The following PTPRB variants were observed in gnomAD, a reference collection of about 807,000 sequenced individuals.
PTPRB encodes the protein receptor-type tyrosine-protein phosphatase beta.
A neutral mutation model predicts 238.1 loss-of-function variants in PTPRB; 97 were observed. That is an observed-to-expected ratio of 0.41 (90% confidence interval 0.35 to 0.48). PTPRB has a LOEUF of 0.48. PTPRB is among the 20% of genes least tolerant of loss of function. The pLI, the probability that PTPRB is intolerant of heterozygous loss-of-function variation, is 0.30. For missense variants in PTPRB, 2,292 were observed against 2,681.9 expected (o/e 0.85, Z 3.21); for synonymous variants, 970 against 995.4 (o/e 0.97, Z 0.48).
intron 11 of PTPRB, 46 bp downstream of exon 11, chr12:70,576,336 A>C: frequency 6.3e-7 from 1 of 1,587,366 alleles, no homozygotes; most frequent in Non-Finnish European, 8.6e-7. Context: ...CCTGAGCCAC[A>C]TGTGAATTGG....
At position 70,560,986 on chromosome 12, in the gene PTPRB, T is replaced by G; in HGVS notation, c.4169-52A>C. ...AGAACAAAACAGAAACACAGGCATT[T>G]TGGCCCACAGGTGAGAGTATATGCT... On this transcript the variant is annotated intron_variant, in intron 16 of 33. Coordinates refer to ENST00000334414, the MANE Select transcript of PTPRB (RefSeq NM_001109754.4). This position sits in a 1 kb window ranked among gnomAD's most constrained non-coding sequence, Gnocchi z 4.2. 2 of 1,554,698 alleles carry G rather than the reference T, an allele frequency of 1.3e-6. No homozygotes were observed. The highest frequency in any genetic ancestry group is 1.8e-6 in the Non-Finnish European group (2 of 1,130,156).
chr12:70,609,454 C>T, intron 3 of PTPRB, 115 bp from the exon 4 acceptor site: 1 of 1,358,276 alleles, frequency 7.4e-7, no homozygotes. Context: ...TGTCCCTTGC[C>T]TCAGCCAGTC....
chr12:70,622,838 TTATC>T (rs1885005713), intron 2 of PTPRB, among the ~76,000 whole-genome samples, 192 bp from the exon 3 acceptor site: 1 of 152,020 alleles, frequency 6.6e-6, no homozygotes, highest in South Asian at 2.1e-4. Flanking sequence ...CACCCATCCT[TTATC>T]TATCTATCAA....
chr12:70,546,341 C>T (rs2136277948), intron 21 of PTPRB, among the ~76,000 whole-genome samples: 1 of 152,254 alleles, frequency 6.6e-6, no homozygotes, highest in South Asian at 2.1e-4. Flanking sequence ...GTCCTAAATT[C>T]AATAAACAAG....
In PTPRB at chr12:70,568,456, C is replaced by G. The variant is rs141101884; in HGVS notation, c.3634+1219G>C. Among the ~76,000 whole-genome samples, 55 of 152,112 alleles carry G rather than the reference C, an allele frequency of 3.6e-4. No homozygotes were observed. The East Asian group carries it at 0.01, about 29-fold the overall frequency. On this transcript the variant is annotated intron_variant, in intron 14 of 33. Coordinates refer to ENST00000334414, the MANE Select transcript of PTPRB (RefSeq NM_001109754.4). ...GGGACTACAGGCGTCTGCCATCACA[C>G]CCAGCTAATTTTTTGTATTTTTAGT...
At chr12:70,626,709 T>G (rs1232685688) in intron 2 of PTPRB, among the ~76,000 whole-genome samples, 3 of 152,038 alleles carry the variant, frequency 2.0e-5, no homozygotes, top group Non-Finnish European at 4.4e-5. Context: ...ATCCTTGGAT[T>G]TTGATGTCTG....
At chr12:70,577,859 G>A (rs1274040590) in intron 10 of PTPRB, among the ~76,000 whole-genome samples, 1 of 152,134 alleles carries the variant, frequency 6.6e-6, no homozygotes, top group Non-Finnish European at 1.5e-5. Flanking sequence ...TTAGCCAGAA[G>A]ATTTATATAT....
chr12:70,625,817 T>A (rs1254415620), intron 2 of PTPRB, among the ~76,000 whole-genome samples: 1 of 152,168 alleles, frequency 6.6e-6, no homozygotes, highest in Non-Finnish European at 1.5e-5. Flanking sequence ...ATAACACAAT[T>A]TCTCCCAGAA....
At chr12:70,561,606 G>T (rs1040015204) in intron 16 of PTPRB, among the ~76,000 whole-genome samples, 1 of 152,118 alleles carries the variant, frequency 6.6e-6, no homozygotes, top group Non-Finnish European at 1.5e-5. Flanking sequence ...TTCTATTTGT[G>T]GTTGAAGCTT....
chr12:70,564,157 T>G lies in PTPRB; in HGVS notation c.3905-1050A>C, dbSNP rs192959495. 1.3e-3 allele frequency among the ~76,000 whole-genome samples: 198 copies of G among 152,278 alleles called. 2 individuals are homozygous for G. The Middle Eastern group carries it at 0.02, about 16-fold the overall frequency. On this transcript the variant is annotated intron_variant, in intron 15 of 33. Transcript: ENST00000334414. The stretch of plus-strand genomic sequence containing the variant: ...ATATTTGCATGACTTTCTCATTTCT[T>G]TCAGATTTTTACTCAAATGTCACTG...
intron 10 of PTPRB, among the ~76,000 whole-genome samples, 168 bp downstream of exon 10, chr12:70,580,868 G>A (rs528088555): frequency 6.6e-6 from 1 of 151,452 alleles, no homozygotes; most frequent in South Asian, 2.1e-4. Context: ...ATCACCCATC[G>A]CCCAATTTCC....
chr12:70,526,176 C>G (rs533456375), intron 32 of PTPRB, among the ~76,000 whole-genome samples: 2 of 152,224 alleles, frequency 1.3e-5, no homozygotes, highest in African/African-American at 4.8e-5. Flanking sequence ...CTGGTATAAT[C>G]AATAGATAAG....
At chr12:70,572,879 A>C (rs557216302) in intron 11 of PTPRB, among the ~76,000 whole-genome samples, 1 of 152,176 alleles carries the variant, frequency 6.6e-6, no homozygotes, top group Non-Finnish European at 1.5e-5. Context: ...ATCACTGGTG[A>C]TCAAGGAAAT....
chr12:70,545,595 A>T (rs142468197), intron 21 of PTPRB, among the ~76,000 whole-genome samples: 4 of 152,308 alleles, frequency 2.6e-5, no homozygotes, highest in East Asian at 3.9e-4. Context: ...TGGAGGAAAC[A>T]GTGTGTGTGG....
intron 22 of PTPRB, 134 bp downstream of exon 22, chr12:70,544,423 A>G: frequency 1.5e-6 from 1 of 645,178 alleles, no homozygotes; most frequent in Non-Finnish European, 2.7e-6. Flanking sequence ...GATCCACATC[A>G]ATTTTTGGTC....
At chr12:70,611,725 A>G (rs1005371029) in intron 3 of PTPRB, among the ~76,000 whole-genome samples, 2 of 152,222 alleles carry the variant, frequency 1.3e-5, no homozygotes, top group Non-Finnish European at 2.9e-5. Flanking sequence ...AAATCCTTTC[A>G]AGTTAACAAA....
chr12:70,593,513 C>CAAAAAA (rs71437149), intron 6 of PTPRB, among the ~76,000 whole-genome samples: 1 of 36,694 alleles, frequency 2.7e-5, no homozygotes, highest in Non-Finnish European at 4.9e-5. Flanking sequence ...AACTCTGTCT[C>CAAAAAA]AAAAAAAAAA....
chr12:70,557,987 G>A (rs1474097286), intron 18 of PTPRB, among the ~76,000 whole-genome samples: 1 of 152,208 alleles, frequency 6.6e-6, no homozygotes, highest in South Asian at 2.1e-4. Flanking sequence ...CAGGGTTGAA[G>A]ATAGCAAGTG....
chr12:70,580,678 G>T (rs1881280778), intron 10 of PTPRB, among the ~76,000 whole-genome samples: 1 of 152,142 alleles, frequency 6.6e-6, no homozygotes. Flanking sequence ...AGTTAGCAGG[G>T]CGTGGTGGCA....
Sources: allele counts gnomAD v4.1 joint callset (sites outside exome capture counted in the v4.1 genomes callset), GRCh38; gene constraint gnomAD v4.1.1; non-coding constraint Gnocchi (gnomAD v3.1); transcripts MANE v1.5; gene names NCBI Gene and HGNC (gene_info 2026-07-23, HGNC 2026-07-21).